Variants in TNFSF10 observed in about 807,000 individuals in gnomAD.
TNFSF10 encodes the protein TNF superfamily member 10, also known as tumor necrosis factor ligand superfamily member 10.
TNFSF10 carries 13 observed loss-of-function variants against 29.5 expected under a neutral mutation model. The observed-to-expected ratio is 0.44, with a 90% CI of 0.29 to 0.70. TNFSF10 has a LOEUF of 0.70. TNFSF10 is among the 30% of genes least tolerant of loss of function. The pLI is 0.13. For synonymous variants in TNFSF10, 111 were observed against 112.8 expected (o/e 0.98, Z 0.10); for missense variants, 345 against 330.9 (o/e 1.04, Z -0.33).
At chr3:172,516,702 G>C (rs1713451140) in intron 1 of TNFSF10, among the ~76,000 whole-genome samples, 1 of 152,162 alleles carries the variant, frequency 6.6e-6, no homozygotes, top group Non-Finnish European at 1.5e-5. Context: ...GATATGACTG[G>C]CCATGGACTT....
chr3:172,509,521 G>A (rs1464128090), intron 3 of TNFSF10, among the ~76,000 whole-genome samples, 200 bp from the exon 4 acceptor site: 3 of 152,090 alleles, frequency 2.0e-5, no homozygotes, highest in Admixed American at 2.0e-4. Flanking sequence ...TACTTTACAC[G>A]GAAAGAATAA....
Position 172,506,760 on chromosome 3 carries a change from T to A in TNFSF10, c.578A>T (p.Gln193Leu), listed in dbSNP as rs763507872. The change falls in exon 5 of 5, where the codon CAG becomes CTG. Residue 193 changes from glutamine to leucine, a missense_variant. Physicochemically the swap from Gln to Leu is moderately radical, Grantham distance 113. Transcript: ENST00000241261. ...YIYSQTYFRFQEEIKENTKND... is the reference protein window; with the variant it reads ...YIYSQTYFRFLEEIKENTKND... ...CTTTGTGTTTTCTTTTATTTCCTCC[T>A]GAAATCGAAAGTATGTTTGGGAATA... 3 of 1,614,202 alleles carry A rather than the reference T, an allele frequency of 1.9e-6. No homozygotes were observed.
At chr3:172,523,004 A>G (rs1338389967) in intron 1 of TNFSF10, among the ~76,000 whole-genome samples, 1 of 152,248 alleles carries the variant, frequency 6.6e-6, no homozygotes, top group Non-Finnish European at 1.5e-5. Flanking sequence ...AAAATCCCTC[A>G]GGAGTTTTGT....
chr3:172,506,800 C>T lies in TNFSF10; in HGVS notation c.538G>A (p.Gly180Arg), dbSNP rs752970325. The T allele has an allele frequency of 1.9e-6, 3 of 1,614,158 alleles. No homozygotes were observed. The highest frequency in any genetic ancestry group is 2.5e-6 in the Non-Finnish European group (3 of 1,180,038). The change falls in exon 5 of 5, where the codon GGG (glycine) becomes AGG (arginine). Residue 180 changes from glycine to arginine, a missense_variant. Gly to Arg is a moderately radical substitution (Grantham distance 125, BLOSUM62 -2). Transcript: ENST00000241261. ...GTTTGGGAATAGATGTAGTAAAACCCTTTTTCATGGATGACCAGTTCACCA... is the reference window on the plus strand; with the variant it reads ...GTTTGGGAATAGATGTAGTAAAACCTTTTTTCATGGATGACCAGTTCACCA... ...RNGELVIHEK[G>R]FYYIYSQTYF...
chr3:172,513,624 A>C (rs1220946431), intron 2 of TNFSF10, among the ~76,000 whole-genome samples: 1 of 152,176 alleles, frequency 6.6e-6, no homozygotes, highest in Non-Finnish European at 1.5e-5. Flanking sequence ...CTTGATCCCT[A>C]ACCACCAACA....
intron 1 of TNFSF10, among the ~76,000 whole-genome samples, chr3:172,515,976 G>T (rs1012267952): frequency 7.9e-5 from 12 of 152,086 alleles, no homozygotes; most frequent in Non-Finnish European, 1.0e-4. Context: ...AAAATCTGCT[G>T]AATTGGCCAG....
At chr3:172,508,323 A>G (rs958149742) in intron 4 of TNFSF10, among the ~76,000 whole-genome samples, 1 of 151,776 alleles carries the variant, frequency 6.6e-6, no homozygotes, top group Non-Finnish European at 1.5e-5. Context: ...ACAAAAAAAT[A>G]CCCATGCACA....
At chr3:172,511,783 G>A (rs1428040453) in intron 2 of TNFSF10, 124 bp from the exon 3 acceptor site, 2 of 702,930 alleles carry the variant, frequency 2.8e-6, no homozygotes, top group Non-Finnish European at 4.6e-6. Context: ...AATCTGGGAA[G>A]TTTTAAGTTG....
chr3:172,511,462 A>G, intron 3 of TNFSF10, 155 bp downstream of exon 3: 1 of 544,394 alleles, frequency 1.8e-6, no homozygotes, highest in Non-Finnish European at 3.1e-6. Flanking sequence ...CAATGTAAAG[A>G]GGGAAGTAGA....
intron 3 of TNFSF10, 148 bp downstream of exon 3, chr3:172,511,469 T>C: frequency 1.7e-6 from 1 of 574,260 alleles, no homozygotes; most frequent in South Asian, 2.6e-5. Flanking sequence ...AAGAGGGAAG[T>C]AGAATCAACA....
At chr3:172,514,793 C>T in intron 2 of TNFSF10, 68 bp downstream of exon 2, 2 of 1,567,958 alleles carry the variant, frequency 1.3e-6, no homozygotes, top group East Asian at 2.2e-5. Context: ...CTTAAAGATT[C>T]CTTTGCTTTA....
chr3:172,517,450 G>A, intron 1 of TNFSF10: 2 of 984,678 alleles, frequency 2.0e-6, no homozygotes, highest in Non-Finnish European at 1.2e-6. Flanking sequence ...ATAAAGCCTG[G>A]ATACATTCAG....
intron 1 of TNFSF10, 42 bp downstream of exon 1, chr3:172,523,211 T>A (rs1427457024): frequency 6.5e-7 from 1 of 1,539,482 alleles, no homozygotes; most frequent in Non-Finnish European, 8.9e-7. Flanking sequence ...ACCAGACATT[T>A]GCTAAGCGCC....
chr3:172,514,581 T>G (rs1017404394), intron 2 of TNFSF10, among the ~76,000 whole-genome samples: 4 of 152,214 alleles, frequency 2.6e-5, no homozygotes, highest in Non-Finnish European at 4.4e-5. Flanking sequence ...TGCCTCAGTT[T>G]CCATAATGTG....
At chr3:172,514,658 C>T (rs546865746) in intron 2 of TNFSF10, among the ~76,000 whole-genome samples, 2 of 152,272 alleles carry the variant, frequency 1.3e-5, no homozygotes, top group African/African-American at 2.4e-5. Flanking sequence ...GACCAGGAGT[C>T]GGCCAGGTCC....
At chr3:172,517,238 G>A (rs1713473734) in intron 1 of TNFSF10, 4 of 729,220 alleles carry the variant, frequency 5.5e-6, no homozygotes, top group South Asian at 1.2e-4. Flanking sequence ...GTTTGACAAG[G>A]ATGGTCGTGG....
Position 172,505,680 on chromosome 3 carries a change from A to G in TNFSF10, c.*812T>C, listed in dbSNP as rs950570443. The stretch of plus-strand genomic sequence containing the variant: ...ATGAGCACTACAGCAAACATGACAT[A>G]CTGTAATAGAATTTTATTGAAAAAA... On this transcript the variant is annotated 3_prime_UTR_variant, in exon 5 of 5. Coordinates refer to ENST00000241261, the MANE Select transcript of TNFSF10 (RefSeq NM_003810.4). 6.6e-6 allele frequency: 1 copy of G among 151,928 alleles called. No homozygotes were observed. Among genetic ancestry groups the G allele is most frequent in the African/African-American group, 2.4e-5 (1 of 41,324 alleles). The allele number at this position is 151,928 out of a possible 1,614,324, so 9.4% of individuals were successfully genotyped here.
chr3:172,514,525 A>G (rs1444525414), intron 2 of TNFSF10, among the ~76,000 whole-genome samples: 1 of 152,174 alleles, frequency 6.6e-6, no homozygotes, highest in Non-Finnish European at 1.5e-5. Flanking sequence ...AAACAATGCC[A>G]CACATTCTTT....
chr3:172,522,289 T>C, intron 1 of TNFSF10: 1 of 724,154 alleles, frequency 1.4e-6, no homozygotes, highest in Non-Finnish European at 2.6e-6. Context: ...GAATCTGAAC[T>C]TCATCCTGCT....
Sources: allele counts gnomAD v4.1 joint callset (sites outside exome capture counted in the v4.1 genomes callset), GRCh38; gene constraint gnomAD v4.1.1; transcripts MANE v1.5; gene names NCBI Gene and HGNC (gene_info 2026-07-23, HGNC 2026-07-21).